The following RREB1 variants were observed in gnomAD, a reference collection of about 807,000 sequenced individuals.
RREB1 encodes ras-responsive element-binding protein 1.
Under a neutral mutation model 117.8 loss-of-function variants are expected in RREB1, and 27 were observed. That is an observed-to-expected ratio of 0.23 (90% CI 0.17 to 0.32). RREB1 has a LOEUF of 0.32. Ranked by LOEUF, RREB1 falls within the 10% of genes least tolerant of loss-of-function variation. The pLI, the probability that RREB1 is intolerant of heterozygous loss-of-function variation, is 1.00. For synonymous variants in RREB1, 1,298 were observed against 1,026.7 expected, an observed-to-expected ratio of 1.26 and a Z score of -5.05; for missense variants, 2,577 against 2,378.2, an observed-to-expected ratio of 1.08 and a Z score of -1.74.
Position 7,207,465 on chromosome 6 carries a change from T to C in RREB1, c.426-3339T>C, listed in dbSNP as rs114073028. ...GCTCAGGTGCAGAATGGAGGAGATG[T>C]GGTTTGATAGCAGTAAATGAAGGAA... On this transcript the variant is annotated intron_variant, in intron 6 of 12. Transcript: ENST00000379938. Among the ~76,000 whole-genome samples, 1,221 of 152,296 alleles carry C rather than the reference T, an allele frequency of 8.0e-3. 21 individuals are homozygous for C. The highest frequency in any genetic ancestry group is 0.027 in the African/African-American group (1,142 of 41,556).
intron 8 of RREB1, among the ~76,000 whole-genome samples, chr6:7,222,218 G>A (rs767774879): frequency 2.6e-4 from 39 of 152,162 alleles, no homozygotes; most frequent in Non-Finnish European, 5.0e-4. Context: ...ATAAGAATCC[G>A]CTGGTGTGCT....
rs144204841 is a variant in RREB1, at chr6:7,124,307, G to A, written c.-285+16247G>A. Among the ~76,000 whole-genome samples the A allele has an allele frequency of 1.0e-3, 155 of 152,192 alleles. 2 individuals carry two copies. The East Asian group carries it at 0.027, about 26-fold the overall frequency. On this transcript the variant is annotated intron_variant, in intron 1 of 12. Transcript: ENST00000379938. ...TCAAGAAAAGGGGGGGAGTATATGT[G>A]TATTGGGGAGGCGGTGTGGTTAGCA... is the stretch of plus-strand genomic sequence containing the variant.
intron 11 of RREB1, among the ~76,000 whole-genome samples, chr6:7,242,485 A>G (rs1229949220): frequency 6.6e-6 from 1 of 152,224 alleles, no homozygotes. Flanking sequence ...GAGAAAATAC[A>G]TGTTTGGTTT....
At chr6:7,186,949 C>A (rs772715386) in intron 4 of RREB1, among the ~76,000 whole-genome samples, 7 of 152,146 alleles carry the variant, frequency 4.6e-5, no homozygotes, top group Non-Finnish European at 8.8e-5. Flanking sequence ...TGAGGGCTTC[C>A]CTCTTTGTAG....
chr6:7,228,427 A>G (rs189364119), intron 9 of RREB1, among the ~76,000 whole-genome samples: 1 of 151,320 alleles, frequency 6.6e-6, no homozygotes, highest in Non-Finnish European at 1.5e-5. Context: ...TCACGCAAAC[A>G]TGATTCTTAA....
At chr6:7,163,669 C>T (rs62393584) in intron 1 of RREB1, among the ~76,000 whole-genome samples, 27 of 152,202 alleles carry the variant, frequency 1.8e-4, no homozygotes, top group Non-Finnish European at 3.8e-4. Context: ...GCTGGGATTA[C>T]AGGCGTGAGC....
chr6:7,231,025 G>C lies in RREB1; in HGVS notation c.2926G>C (p.Gly976Arg). The C allele has an allele frequency of 3.7e-6, 6 of 1,614,026 alleles. No individual in the cohort carries two copies. Among genetic ancestry groups the C allele is most frequent in the Non-Finnish European group, 5.1e-6 (6 of 1,180,016 alleles). ...SEQPSPCPAP[G>R]PSLPVTLGPS... ...GCAGCCCTCTCCCTGCCCAGCACCC[G>C]GCCCTTCTCTTCCTGTAACTTTGGG... is the stretch of plus-strand genomic sequence containing the variant. The change falls in exon 10 of 13, where the codon GGC (glycine) becomes CGC (arginine). Residue 976 changes from glycine to arginine, a missense_variant. Transcript: ENST00000379938.
chr6:7,120,820 T>A (rs1761646502), intron 1 of RREB1, among the ~76,000 whole-genome samples: 1 of 145,018 alleles, frequency 6.9e-6, no homozygotes, highest in African/African-American at 2.6e-5. Context: ...CTAATTTTTT[T>A]TTTTTTTTTT....
At chr6:7,118,196 C>T (rs989447441) in intron 1 of RREB1, among the ~76,000 whole-genome samples, 2 of 152,180 alleles carry the variant, frequency 1.3e-5, no homozygotes, top group African/African-American at 4.8e-5. Flanking sequence ...TCTCAGCTCA[C>T]TGCAACCTCC....
Position 7,231,171 on chromosome 6 carries a change from C to T in RREB1, c.3072C>T (p.Val1024=). 1 of 1,611,786 alleles carries T rather than the reference C, an allele frequency of 6.2e-7. No homozygotes were observed. ...LAVPIYSSAL[V]SSPPLVGSSA... ...TCCCAATCTACTCCTCAGCCCTGGTCAGCAGCCCTCCACTCGTGGGCAGCT... is the reference window on the plus strand; with the variant it reads ...TCCCAATCTACTCCTCAGCCCTGGTTAGCAGCCCTCCACTCGTGGGCAGCT... Residue 1024 remains valine, a synonymous_variant, in exon 10 of 13, where the codon GTC becomes GTT. Coordinates refer to ENST00000379938, the MANE Select transcript of RREB1 (RefSeq NM_001003699.4).
In RREB1 at chr6:7,187,493, C is replaced by G; in HGVS notation, c.231C>G (p.Thr77=). 6.4e-7 allele frequency: 1 copy of G among 1,571,414 alleles called. No homozygotes were observed. The highest frequency in any genetic ancestry group is 1.7e-4 in the Middle Eastern group (1 of 5,894). ...CCCTGTGTGAGAAGATTTGCACTAC[C>G]CAGCACCAGCTGACCATGCACATTC... ...NCPLCEKICT[T]QHQLTMHIRQ... The change falls in exon 5 of 13, where the codon ACC becomes ACG. Residue 77 remains threonine (T), a synonymous_variant. Coordinates refer to ENST00000379938, the MANE Select transcript of RREB1 (RefSeq NM_001003699.4).
At chr6:7,232,791 A>G (rs1287859689) in intron 10 of RREB1, among the ~76,000 whole-genome samples, 3 of 146,036 alleles carry the variant, frequency 2.1e-5, no homozygotes, top group Non-Finnish European at 4.5e-5. Context: ...TAAATAAAAG[A>G]GTCTCACTAT....
rs57534871 is a variant in RREB1, at chr6:7,219,092, C to CAA, written c.708-7345_708-7344dup. ...GCGAAACTCCATCTCTACTAAAATA[C>CAA]AAAAAAAAAAAAAAAAAAAAAAAAA... On this transcript the variant is annotated intron_variant, in intron 8 of 12. Transcript: ENST00000379938. The CAA allele has an allele frequency of 1.3e-3, 52 of 40,524 alleles. 4 individuals are homozygous for CAA. Among genetic ancestry groups the CAA allele is most frequent in the Admixed American group, 1.6e-3 (4 of 2,480 alleles). 2.5% of individuals were successfully genotyped at this position (40,524 alleles called of 1,614,324 possible).
In RREB1 at chr6:7,249,095, GAGAGAGAGA is replaced by G. The variant is rs1769294513; in HGVS notation, c.*128_*136del. 1.4e-6 allele frequency: 1 copy of G among 717,202 alleles called. No individual in the cohort carries two copies. Among genetic ancestry groups the G allele is most frequent in the East Asian group, 3.1e-5 (1 of 31,788 alleles). 44.4% of individuals were successfully genotyped at this position (717,202 alleles called of 1,614,324 possible). On this transcript the variant is annotated 3_prime_UTR_variant, in exon 13 of 13. Transcript: ENST00000379938. ...AGAGAGAGAGAGAGAGAGAGAGAGA[GAGAGAGAGA>G]CAAGCAGGAGCGTGGCTGCTCGCTC...
chr6:7,202,940 A>G (rs1766067636), intron 6 of RREB1, among the ~76,000 whole-genome samples: 1 of 152,138 alleles, frequency 6.6e-6, no homozygotes, highest in African/African-American at 2.4e-5. Context: ...CTTTGTATGG[A>G]CATATTACTA....
intron 1 of RREB1, among the ~76,000 whole-genome samples, chr6:7,141,278 C>G (rs530973286): frequency 2.6e-5 from 4 of 152,168 alleles, no homozygotes; most frequent in Non-Finnish European, 5.9e-5. Context: ...GGCGTTCCCC[C>G]GTGAGTAGAG....
chr6:7,233,222 G>A (rs1768109598), intron 10 of RREB1, among the ~76,000 whole-genome samples: 1 of 152,178 alleles, frequency 6.6e-6, no homozygotes, highest in Non-Finnish European at 1.5e-5. Flanking sequence ...TCAAATGTTA[G>A]TTTCTAGAAG....
At chr6:7,128,695 G>A (rs1269744855) in intron 1 of RREB1, among the ~76,000 whole-genome samples, 3 of 152,188 alleles carry the variant, frequency 2.0e-5, no homozygotes, top group African/African-American at 7.2e-5. Context: ...GGGGCCGGGC[G>A]TGGTGGCTCA....
At position 7,231,195 on chromosome 6, in the gene RREB1, C is replaced by G. The variant is rs530077153; in HGVS notation, c.3096C>G (p.Ser1032Arg). Residue 1032 changes from serine to arginine, a missense_variant, in exon 10 of 13, where the codon AGC becomes AGG. Ser to Arg is a moderately radical substitution (Grantham distance 110). Transcript: ENST00000379938. ...TCAGCAGCCCTCCACTCGTGGGCAG[C>G]TCAGCCCTCCTGAGTGGCACAGCCT... Reference protein sequence around the residue: ...ALVSSPPLVGSSALLSGTALL... With the variant: ...ALVSSPPLVGRSALLSGTALL... 1.6e-5 allele frequency: 26 copies of G among 1,611,750 alleles called. No individual in the cohort carries two copies. In the South Asian group the frequency reaches 2.2e-4, roughly 14 times the overall value.
Sources: gnomAD v4.1 joint callset for allele counts (sites outside exome capture counted in the v4.1 genomes callset) on GRCh38, gnomAD v4.1.1 for gene constraint, MANE v1.5 for transcripts, NCBI Gene and HGNC (gene_info 2026-07-23, HGNC 2026-07-21) for gene names.